LRRC4C: variants seen among roughly 807,000 people sequenced by gnomAD.
LRRC4C encodes leucine rich repeat containing 4C, also known as leucine-rich repeat-containing protein 4C.
In LRRC4C, 5 loss-of-function variants were observed where a neutral mutation model predicts 33.6. That is an observed-to-expected ratio of 0.15 (90% confidence interval 0.08 to 0.31). LRRC4C has a LOEUF of 0.31. LRRC4C is among the 10% of genes least tolerant of loss of function. LRRC4C has a pLI of 1.00. For synonymous variants in LRRC4C, 329 were observed against 302.0 expected (o/e 1.09, Z -0.93); for missense variants, 560 against 796.7 (o/e 0.70, Z 3.58).
intron 1 of LRRC4C, among the ~76,000 whole-genome samples, chr11:41,034,477 A>G (rs527593275): frequency 6.2e-4 from 89 of 143,120 alleles, no homozygotes; most frequent in African/African-American, 2.1e-3. Context: ...ATATGTGTGT[A>G]TATATATATA....
At chr11:40,949,401 A>G (rs920101511) in intron 1 of LRRC4C, among the ~76,000 whole-genome samples, 2 of 152,000 alleles carry the variant, frequency 1.3e-5, no homozygotes, top group African/African-American at 2.4e-5. Flanking sequence ...AGCAACTCCA[A>G]GACACATAAT....
intron 3 of LRRC4C, among the ~76,000 whole-genome samples, chr11:40,379,268 TTTAA>T (rs1292859715): frequency 1.3e-5 from 2 of 151,816 alleles, no homozygotes; most frequent in African/African-American, 4.8e-5. Flanking sequence ...AACATACCAA[TTTAA>T]TTATAATATA....
intron 3 of LRRC4C, among the ~76,000 whole-genome samples, chr11:40,638,858 T>C (rs946707447): frequency 1.5e-4 from 23 of 152,042 alleles, no homozygotes; most frequent in African/African-American, 5.5e-4. Context: ...AAGGATTTTG[T>C]AAATTATAAG....
At chr11:40,741,998 C>T (rs148838235) in intron 2 of LRRC4C, among the ~76,000 whole-genome samples, 9 of 152,020 alleles carry the variant, frequency 5.9e-5, no homozygotes, top group African/African-American at 2.2e-4. Flanking sequence ...CTAGAATCAC[C>T]ATATTTTACT....
intron 3 of LRRC4C, among the ~76,000 whole-genome samples, chr11:40,321,609 C>T (rs1326932874): frequency 1.3e-5 from 2 of 152,176 alleles, no homozygotes; most frequent in Non-Finnish European, 2.9e-5. Context: ...CAAGCCTATA[C>T]TTTTTCTTAC....
chr11:41,115,375 C>CT (rs143239776), intron 1 of LRRC4C, among the ~76,000 whole-genome samples: 24 of 149,996 alleles, frequency 1.6e-4, no homozygotes, highest in Admixed American at 6.7e-4. Flanking sequence ...ATCCCCCCAT[C>CT]TTTTTTTTTC....
At chr11:40,388,370 C>T (rs1198651977) in intron 3 of LRRC4C, among the ~76,000 whole-genome samples, 1 of 152,132 alleles carries the variant, frequency 6.6e-6, no homozygotes, top group Non-Finnish European at 1.5e-5. Context: ...ATAAAAGTGT[C>T]ATCTGGTGAT....
At chr11:40,842,127 T>C (rs1407386719) in intron 2 of LRRC4C, among the ~76,000 whole-genome samples, 5 of 152,206 alleles carry the variant, frequency 3.3e-5, no homozygotes, top group African/African-American at 4.8e-5. Context: ...CAATAGTTGA[T>C]GTTATTAATT....
intron 1 of LRRC4C, among the ~76,000 whole-genome samples, chr11:41,186,996 C>A (rs1945722392): frequency 6.6e-6 from 1 of 152,250 alleles, no homozygotes; most frequent in East Asian, 1.9e-4. Flanking sequence ...CACCTGGACC[C>A]AAACCCAGAT....
At position 40,457,287 on chromosome 11, in the gene LRRC4C, AC is replaced by A. The variant is rs1952184131; in HGVS notation, c.-269-137567del. Among the ~76,000 whole-genome samples the A allele has an allele frequency of 2.6e-5, 4 of 152,110 alleles. 1 individual carries two copies. In the South Asian group the frequency reaches 8.3e-4, roughly 31 times the overall value. On this transcript the variant is annotated intron_variant, in intron 3 of 6. Coordinates refer to ENST00000528697, the MANE Select transcript of LRRC4C (RefSeq NM_001258419.2). ...AAAGATATTTTTAAGAAGAAAGTAT[AC>A]CCATCAAAGAGTAATAAATTCATAC...
chr11:40,611,547 G>A (rs1248473103), intron 3 of LRRC4C, among the ~76,000 whole-genome samples: 1 of 151,750 alleles, frequency 6.6e-6, no homozygotes, highest in African/African-American at 2.4e-5. Flanking sequence ...CTTCTGCACA[G>A]CAAAGAAATA....
At chr11:40,261,075 A>G (rs2136258007) in intron 4 of LRRC4C, among the ~76,000 whole-genome samples, 1 of 152,090 alleles carries the variant, frequency 6.6e-6, no homozygotes, top group East Asian at 1.9e-4. Context: ...TAGAGTAGGT[A>G]TCACTATGTT....
rs112365201 is a variant in LRRC4C, at chr11:40,147,490, G to A, written c.-95-6637C>T. 3.7e-3 allele frequency among the ~76,000 whole-genome samples: 558 copies of A among 152,100 alleles called. 6 individuals are homozygous for A. The highest frequency in any genetic ancestry group is 0.012 in the African/African-American group (514 of 41,480). ...TATCACCCTAACTTCCTCCAGCACTGATAGCCTTTCTTCTGCATTTTTTTC... is the reference window on the plus strand; with the variant it reads ...TATCACCCTAACTTCCTCCAGCACTAATAGCCTTTCTTCTGCATTTTTTTC... On this transcript the variant is annotated intron_variant, in intron 5 of 6. Coordinates refer to ENST00000528697, the MANE Select transcript of LRRC4C (RefSeq NM_001258419.2).
chr11:40,957,069 G>T (rs889764945), intron 1 of LRRC4C, among the ~76,000 whole-genome samples: 1 of 151,640 alleles, frequency 6.6e-6, no homozygotes, highest in African/African-American at 2.4e-5. Context: ...TCACAAAATC[G>T]GGAATAAGAC....
At chr11:40,556,060 A>T (rs1957321986) in intron 3 of LRRC4C, among the ~76,000 whole-genome samples, 1 of 152,146 alleles carries the variant, frequency 6.6e-6, no homozygotes, top group South Asian at 2.1e-4. Context: ...CCAATTTCCC[A>T]TCTAAAAATT....
At chr11:40,650,631 T>A (rs991416164) in intron 2 of LRRC4C, among the ~76,000 whole-genome samples, 1 of 152,198 alleles carries the variant, frequency 6.6e-6, no homozygotes, top group Admixed American at 6.5e-5. Context: ...TGACATCACA[T>A]AATTTTTTTC....
intron 2 of LRRC4C, among the ~76,000 whole-genome samples, chr11:40,719,024 T>G (rs1021302601): frequency 2.0e-5 from 3 of 152,228 alleles, no homozygotes; most frequent in Admixed American, 2.0e-4. Flanking sequence ...ATGCATTACT[T>G]CTCTTTTGAC....
intron 3 of LRRC4C, among the ~76,000 whole-genome samples, chr11:40,640,957 A>C (rs1387469180): frequency 3.5e-5 from 5 of 141,160 alleles, no homozygotes. Flanking sequence ...CGGAGCTTGC[A>C]GTGAGCCTAG....
At chr11:40,393,573 A>G (rs1204726644) in intron 3 of LRRC4C, among the ~76,000 whole-genome samples, 1 of 152,204 alleles carries the variant, frequency 6.6e-6, no homozygotes, top group Non-Finnish European at 1.5e-5. Flanking sequence ...AGAAGACAGT[A>G]ATGGTACAGG....
Sources: gnomAD v4.1 joint callset for allele counts (sites outside exome capture counted in the v4.1 genomes callset) on GRCh38, gnomAD v4.1.1 for gene constraint, MANE v1.5 for transcripts, NCBI Gene and HGNC (gene_info 2026-07-23, HGNC 2026-07-21) for gene names.